The following SGCZ variants were observed in gnomAD, a reference collection of about 807,000 sequenced individuals.
The protein encoded by SGCZ is sarcoglycan zeta, also known as zeta-sarcoglycan.
In SGCZ, 40 loss-of-function variants were observed where a neutral mutation model predicts 41.3. That is an observed-to-expected ratio of 0.97 (90% CI 0.75 to 1.26). The LOEUF is 1.26. Among genes scored for constraint, SGCZ ranks in the 50% most tolerant of loss-of-function variants. The probability of loss-of-function intolerance (pLI) is 0.00; values close to 1 mark genes in which losing one functional copy is unlikely to be tolerated. For missense variants in SGCZ, 552 were observed against 369.8 expected (o/e 1.49, Z -4.04); for synonymous variants, 206 against 137.5 (o/e 1.50, Z -3.49).
intron 4 of SGCZ, among the ~76,000 whole-genome samples, chr8:14,234,680 A>G (rs1293837837): frequency 2.6e-5 from 4 of 152,110 alleles, no homozygotes; most frequent in Non-Finnish European, 5.9e-5. Flanking sequence ...AAGAATAAGA[A>G]AAGAAATAGA....
intron 1 of SGCZ, among the ~76,000 whole-genome samples, chr8:14,860,752 G>GAAAGAA (rs1563321452): frequency 2.3e-5 from 3 of 129,400 alleles, no homozygotes; most frequent in African/African-American, 1.1e-4. Context: ...GTAAGTAAGT[G>GAAAGAA]AGGGAGGGAG....
intron 1 of SGCZ, among the ~76,000 whole-genome samples, chr8:14,807,050 C>T (rs1393535966): frequency 6.6e-6 from 1 of 152,102 alleles, no homozygotes; most frequent in African/African-American, 2.4e-5. Flanking sequence ...GCTAAAAACT[C>T]AATAAATTAG....
chr8:14,880,954 T>TA (rs139241404), intron 1 of SGCZ, among the ~76,000 whole-genome samples: 3,066 of 147,012 alleles, frequency 0.021, 47 homozygotes, highest in Non-Finnish European at 0.026. Flanking sequence ...TAAAGTATAA[T>TA]AAAAAAAAAA....
chr8:15,003,162 GA>G, intron 1 of SGCZ, among the ~76,000 whole-genome samples: 1 of 152,110 alleles, frequency 6.6e-6, no homozygotes, highest in East Asian at 1.9e-4. Context: ...TTGGGAGAAA[GA>G]TTTCTGCCAA....
At chr8:14,557,787 C>G (rs1250899816) in intron 1 of SGCZ, among the ~76,000 whole-genome samples, 3 of 151,878 alleles carry the variant, frequency 2.0e-5, no homozygotes, top group East Asian at 3.9e-4. Flanking sequence ...AACCCAAACC[C>G]AGCAGAAGAA....
At chr8:14,517,814 TC>T (rs1338114645) in intron 2 of SGCZ, among the ~76,000 whole-genome samples, 1 of 151,876 alleles carries the variant, frequency 6.6e-6, no homozygotes, top group African/African-American at 2.4e-5. Flanking sequence ...AGTCATGATT[TC>T]CATTTATATT....
At chr8:15,071,750 T>C (rs757870674) in intron 1 of SGCZ, among the ~76,000 whole-genome samples, 7 of 152,058 alleles carry the variant, frequency 4.6e-5, no homozygotes, top group Non-Finnish European at 1.0e-4. Context: ...AGTAGCATAA[T>C]CAGATGGGTA....
chr8:14,284,384 A>G (rs7000301), intron 3 of SGCZ, among the ~76,000 whole-genome samples: 110,390 of 152,234 alleles, frequency 0.73, 40,371 homozygotes, highest in African/African-American at 0.8. Flanking sequence ...AGAGCAAGAC[A>G]TTATCTCACA....
intron 1 of SGCZ, among the ~76,000 whole-genome samples, chr8:14,648,087 C>T (rs1168315854): frequency 6.6e-6 from 1 of 151,670 alleles, no homozygotes; most frequent in East Asian, 1.9e-4. Context: ...GTGACCTAAG[C>T]AGGCAAAAAC....
intron 1 of SGCZ, among the ~76,000 whole-genome samples, chr8:14,680,299 A>G (rs1808401093): frequency 6.6e-6 from 1 of 152,116 alleles, no homozygotes; most frequent in Non-Finnish European, 1.5e-5. Context: ...AAACTTAACA[A>G]AACCCATAGA....
intron 2 of SGCZ, chr8:14,332,422 C>G (rs983001101): frequency 6.6e-6 from 1 of 151,808 alleles, no homozygotes; most frequent in Non-Finnish European, 1.5e-5. Context: ...GCCTGGGCGA[C>G]AGAGAGAGAC....
chr8:14,582,849 T>C (rs1048521084), intron 1 of SGCZ, among the ~76,000 whole-genome samples: 1 of 151,786 alleles, frequency 6.6e-6, no homozygotes, highest in Admixed American at 6.6e-5. Flanking sequence ...CATCATTTTT[T>C]GTGGCTGCAT....
At chr8:14,945,610 G>A (rs867266472) in intron 1 of SGCZ, among the ~76,000 whole-genome samples, 3 of 151,960 alleles carry the variant, frequency 2.0e-5, no homozygotes, top group Non-Finnish European at 2.9e-5. Flanking sequence ...GTCTGTAAGG[G>A]CGTTTCCGGA....
intron 4 of SGCZ, among the ~76,000 whole-genome samples, chr8:14,179,950 G>A (rs187464644): frequency 6.6e-6 from 1 of 152,130 alleles, no homozygotes; most frequent in Non-Finnish European, 1.5e-5. Flanking sequence ...TGGTGAAACC[G>A]GCCCAAGCAC....
intron 1 of SGCZ, among the ~76,000 whole-genome samples, chr8:14,581,234 G>A (rs185166602): frequency 1.3e-5 from 2 of 151,966 alleles, no homozygotes; most frequent in South Asian, 2.1e-4. Flanking sequence ...TCAGCCATGT[G>A]ACTAGCTGGG....
At chr8:14,438,649 A>G (rs1176826069) in intron 2 of SGCZ, among the ~76,000 whole-genome samples, 1 of 152,058 alleles carries the variant, frequency 6.6e-6, no homozygotes, top group Non-Finnish European at 1.5e-5. Flanking sequence ...TAAATTTTGT[A>G]TTAAAATGTA....
chr8:15,179,964 C>T (rs1165409151), intron 1 of SGCZ, among the ~76,000 whole-genome samples: 1 of 152,180 alleles, frequency 6.6e-6, no homozygotes, highest in African/African-American at 2.4e-5. Flanking sequence ...TCCCACCTGG[C>T]ATTGAAATTT....
At chr8:14,872,337 A>G (rs1330856451) in intron 1 of SGCZ, among the ~76,000 whole-genome samples, 1 of 152,142 alleles carries the variant, frequency 6.6e-6, no homozygotes, top group Non-Finnish European at 1.5e-5. Flanking sequence ...AAACATAGAA[A>G]TATAAGCTAT....
At position 14,459,208 on chromosome 8, in the gene SGCZ, A is replaced by G. The variant is rs553176259; in HGVS notation, c.234+95524T>C. 3.2e-4 allele frequency among the ~76,000 whole-genome samples: 49 copies of G among 152,146 alleles called. 1 individual carries two copies. The highest frequency in any genetic ancestry group is 1.1e-3 in the African/African-American group (47 of 41,524). On this transcript the variant is annotated intron_variant, in intron 2 of 7. Transcript: ENST00000382080. ...CGCATGTTTTCACTCATAGGTGGGA[A>G]TTGAACAATGAGAACACTTGGACAC...
Sources: allele counts gnomAD v4.1 joint callset (sites outside exome capture counted in the v4.1 genomes callset), GRCh38; gene constraint gnomAD v4.1.1; transcripts MANE v1.5; gene names NCBI Gene and HGNC (gene_info 2026-07-23, HGNC 2026-07-21).